The following LAMA3 variants were observed in gnomAD, a reference collection of about 807,000 sequenced individuals.
The protein encoded by LAMA3 is laminin subunit alpha-3.
Under a neutral mutation model 402.0 loss-of-function variants are expected in LAMA3, and 281 were observed. That is an observed-to-expected ratio of 0.70 (90% CI 0.63 to 0.77). The LOEUF is 0.77. Ranked by LOEUF, LAMA3 falls within the 30% of genes least tolerant of loss-of-function variation. The probability of loss-of-function intolerance (pLI) is 0.00; values close to 1 mark genes in which losing one functional copy is unlikely to be tolerated. For synonymous variants in LAMA3, 1,431 were observed against 1,558.4 expected (o/e 0.92, Z 1.93); for missense variants, 3,840 against 4,215.5 (o/e 0.91, Z 2.47).
chr18:23,847,207 G>T (rs1309754266), intron 31 of LAMA3, among the ~76,000 whole-genome samples: 1 of 152,228 alleles, frequency 6.6e-6, no homozygotes, highest in East Asian at 1.9e-4. Context: ...GGCCCCATAT[G>T]AGTGGCACAC....
At chr18:23,749,182 A>G (rs1340041959) in intron 3 of LAMA3, among the ~76,000 whole-genome samples, 1 of 152,192 alleles carries the variant, frequency 6.6e-6, no homozygotes, top group Non-Finnish European at 1.5e-5. Flanking sequence ...AAACTTGCCT[A>G]AGTATGAGCG....
intron 38 of LAMA3, among the ~76,000 whole-genome samples, chr18:23,873,437 G>A (rs924976253): frequency 6.6e-6 from 1 of 152,140 alleles, no homozygotes; most frequent in East Asian, 1.9e-4. Flanking sequence ...TGGAAATGCC[G>A]AGACAGTTAA....
At chr18:23,776,303 A>G (rs2062317756) in intron 10 of LAMA3, among the ~76,000 whole-genome samples, 1 of 152,158 alleles carries the variant, frequency 6.6e-6, no homozygotes, top group African/African-American at 2.4e-5. Flanking sequence ...GAGCCCAGGG[A>G]AACGTTTCCT....
rs2080984482 is a variant in LAMA3, at chr18:23,899,270, C to T, written c.5837-18C>T. The T allele has an allele frequency of 6.2e-7, 1 of 1,610,176 alleles. No homozygotes were observed. Among genetic ancestry groups the T allele is most frequent in the South Asian group, 1.1e-5 (1 of 90,862 alleles). On this transcript the variant is annotated intron_variant, in intron 46 of 74. Transcript: ENST00000313654. ...AGCCCAGAATTCCCAGTCTAATAGA[C>T]CACTTGATGTTTCCTAGTTCTTTTA... is the stretch of plus-strand genomic sequence containing the variant.
rs2081822513 is a variant in LAMA3 at position 23,921,155 on chromosome 18, G to T, written c.8043+101G>T. 1.3e-5 allele frequency: 17 copies of T among 1,336,024 alleles called. No individual in the cohort carries two copies. In the South Asian group the frequency reaches 2.0e-4, roughly 16 times the overall value. The allele number at this position is 1,336,024 out of a possible 1,614,324, so 82.8% of individuals were successfully genotyped here. On this transcript the variant is annotated intron_variant, in intron 61 of 74. Coordinates refer to ENST00000313654, the MANE Select transcript of LAMA3 (RefSeq NM_198129.4). ...AAATAAATAAAACTTCCTATTACCA[G>T]ATAAACTTATGGATGTTAACTGAGG...
chr18:23,799,078 G>T (rs995911469), intron 12 of LAMA3, among the ~76,000 whole-genome samples: 3 of 152,216 alleles, frequency 2.0e-5, no homozygotes, highest in African/African-American at 7.2e-5. Context: ...CAGCTATTTG[G>T]CAGGTACTGT....
chr18:23,948,148 G>C (rs1167599361), intron 70 of LAMA3, among the ~76,000 whole-genome samples: 2 of 152,142 alleles, frequency 1.3e-5, no homozygotes, highest in East Asian at 3.8e-4. Context: ...GGATGGGGCA[G>C]GATTTGGGTA....
chr18:23,795,727 T>TA (rs1201238867), intron 12 of LAMA3, among the ~76,000 whole-genome samples: 7 of 150,804 alleles, frequency 4.6e-5, no homozygotes, highest in East Asian at 3.9e-4. Flanking sequence ...AATATATATA[T>TA]TTTTTTTAAT....
chr18:23,822,350 C>T lies in LAMA3; in HGVS notation c.2403C>T (p.Gly801=), dbSNP rs1192408293. ...ACCCTGGAACTGAAGCAGTATCTGGCCATATAACTATTTATCCATCCTGGG... is the reference window on the plus strand; with the variant it reads ...ACCCTGGAACTGAAGCAGTATCTGGTCATATAACTATTTATCCATCCTGGG... ...YVNPGTEAVS[G]HITIYPSWGA... is the part of the protein sequence containing the mutation. Residue 801 remains glycine (G), a synonymous_variant, in exon 20 of 75, where the codon GGC becomes GGT. Coordinates refer to ENST00000313654, the MANE Select transcript of LAMA3 (RefSeq NM_198129.4). The T allele has an allele frequency of 1.2e-6, 2 of 1,613,574 alleles. No individual in the cohort carries two copies. Among genetic ancestry groups the T allele is most frequent in the East Asian group, 2.2e-5 (1 of 44,890 alleles).
At chr18:23,895,930 A>C (rs2080860703) in intron 44 of LAMA3, among the ~76,000 whole-genome samples, 1 of 152,162 alleles carries the variant, frequency 6.6e-6, no homozygotes, top group Non-Finnish European at 1.5e-5. Context: ...TTTATCACTA[A>C]GCACTGCTTT....
At chr18:23,793,001 G>A (rs2062689823) in intron 12 of LAMA3, among the ~76,000 whole-genome samples, 2 of 152,130 alleles carry the variant, frequency 1.3e-5, no homozygotes, top group Admixed American at 6.5e-5. Context: ...GGAGGGGCAG[G>A]TCATGCTGTA....
At position 23,884,794 on chromosome 18, in the gene LAMA3, G is replaced by A. The variant is rs757127181; in HGVS notation, c.5244G>A (p.Val1748=). 1.1e-5 allele frequency: 17 copies of A among 1,613,852 alleles called. No individual in the cohort carries two copies. The South Asian group carries it at 1.9e-4, about 18-fold the overall frequency. The part of the protein sequence containing the change: ...HTNSFATGCV[V]NGGDVRCSCK... ...CAAGCTTTGCCACTGGCTGTGTGGT[G>A]AATGGGGGAGACGTGCGGTGCTCCT... The change falls in exon 41 of 75, where the codon GTG becomes GTA. Residue 1748 remains valine, a synonymous_variant. Coordinates refer to ENST00000313654, the MANE Select transcript of LAMA3 (RefSeq NM_198129.4).
At chr18:23,705,478 C>CACAG (rs1011173623) in intron 1 of LAMA3, among the ~76,000 whole-genome samples, 42 of 151,712 alleles carry the variant, frequency 2.8e-4, no homozygotes, top group Non-Finnish European at 5.2e-4. Flanking sequence ...CACACACACA[C>CACAG]ACAGACATAT....
intron 1 of LAMA3, among the ~76,000 whole-genome samples, chr18:23,690,872 ATTATTTATTTATTTAT>A (rs10665618): frequency 2.1e-3 from 294 of 136,996 alleles, no homozygotes; most frequent in African/African-American, 6.7e-3. Flanking sequence ...AGGCCTGGCA[ATTATTTATTTATTTAT>A]TTATTTATTT....
chr18:23,855,183 T>G (rs981703530), intron 32 of LAMA3, among the ~76,000 whole-genome samples: 1 of 152,166 alleles, frequency 6.6e-6, no homozygotes, highest in Non-Finnish European at 1.5e-5. Context: ...TAATTCACCC[T>G]TGGCCAGAAG....
At chr18:23,752,540 G>A (rs2061772280) in intron 5 of LAMA3, among the ~76,000 whole-genome samples, 1 of 152,122 alleles carries the variant, frequency 6.6e-6, no homozygotes, top group African/African-American at 2.4e-5. Context: ...GTGCTGCTGG[G>A]TGAAGGCTGA....
intron 35 of LAMA3, 42 bp from the exon 36 acceptor site, chr18:23,864,743 C>T (rs2064310969): frequency 7.8e-7 from 1 of 1,283,630 alleles, no homozygotes; most frequent in Non-Finnish European, 1.1e-6. Context: ...GACATCATCT[C>T]TTTTAATGCT....
In LAMA3 at chr18:23,899,388, A is replaced by G; in HGVS notation, c.5937A>G (p.Glu1979=). 1 of 1,614,170 alleles carries G rather than the reference A, an allele frequency of 6.2e-7. No individual in the cohort carries two copies. The highest frequency in any genetic ancestry group is 8.5e-7 in the Non-Finnish European group (1 of 1,180,012). ...CTGAAGCCCAGCGCATGATGAGGGAACTGCGGAACAGGAACTTTGGAAAGC... is the reference window on the plus strand; with the variant it reads ...CTGAAGCCCAGCGCATGATGAGGGAGCTGCGGAACAGGAACTTTGGAAAGC... ...EWAEAQRMMR[E]LRNRNFGKHL... The change falls in exon 47 of 75, where the codon GAA becomes GAG. Residue 1979 remains glutamate, a synonymous_variant. Transcript: ENST00000313654.
At chr18:23,704,417 C>T (rs1394729018) in intron 1 of LAMA3, among the ~76,000 whole-genome samples, 2 of 152,188 alleles carry the variant, frequency 1.3e-5, no homozygotes, top group Admixed American at 1.3e-4. Context: ...GGCCCCAGCA[C>T]GACCTAGCTG....
Sources: gnomAD v4.1 joint callset for allele counts (sites outside exome capture counted in the v4.1 genomes callset) on GRCh38, gnomAD v4.1.1 for gene constraint, MANE v1.5 for transcripts, NCBI Gene and HGNC (gene_info 2026-07-23, HGNC 2026-07-21) for gene names.